The following STRN variants were observed in gnomAD, a reference collection of about 807,000 sequenced individuals.
The protein encoded by STRN is striatin.
Under a neutral mutation model 96.3 loss-of-function variants are expected in STRN, and 53 were observed. The ratio of observed to expected loss-of-function variants is 0.55; its 90% CI spans 0.44 to 0.69. The LOEUF is 0.69. Among genes scored for constraint, STRN ranks in the 30% least tolerant of loss-of-function variants. The pLI is 0.00. For missense variants in STRN, 987 were observed against 963.9 expected, an observed-to-expected ratio of 1.02 and a Z score of -0.32; for synonymous variants, 428 against 355.9, an observed-to-expected ratio of 1.20 and a Z score of -2.28.
At chr2:36,948,160 G>A (rs1357318185) in intron 1 of STRN, among the ~76,000 whole-genome samples, 1 of 124,306 alleles carries the variant, frequency 8.0e-6, no homozygotes, top group Non-Finnish European at 1.6e-5. Flanking sequence ...GGAGTAAAGT[G>A]ATGTGATCTG....
At position 36,839,125 on chromosome 2, in the gene STRN, G is replaced by C. The variant is rs1002051228; in HGVS notation, c.*10331C>G. ...GAGGTAGGAATGAAGGGGTATGATG[G>C]GACATGCTTCGTTTTGCCATTATGA... On this transcript the variant is annotated 3_prime_UTR_variant, in exon 18 of 18. Transcript: ENST00000263918. 2.6e-5 allele frequency among the ~76,000 whole-genome samples: 4 copies of C among 152,100 alleles called. No individual in the cohort carries two copies. The highest frequency in any genetic ancestry group is 4.1e-4 in the South Asian group (2 of 4,830).
intron 15 of STRN, among the ~76,000 whole-genome samples, chr2:36,852,316 T>A (rs577040047): frequency 6.6e-6 from 1 of 152,206 alleles, no homozygotes; most frequent in Non-Finnish European, 1.5e-5. Flanking sequence ...AATTAAATTA[T>A]GGTCCAGGGA....
intron 16 of STRN, 28 bp from the exon 17 acceptor site, chr2:36,849,828 A>G (rs1176737528): frequency 6.2e-7 from 1 of 1,603,582 alleles, no homozygotes; most frequent in African/African-American, 1.3e-5. Flanking sequence ...GTTACTCCTT[A>G]TTAATGCCTT....
chr2:36,934,600 G>T (rs1362796098), intron 1 of STRN, among the ~76,000 whole-genome samples: 2 of 152,236 alleles, frequency 1.3e-5, no homozygotes, highest in South Asian at 4.1e-4. Flanking sequence ...TCTTCAATAG[G>T]CAACACTTCT....
intron 2 of STRN, among the ~76,000 whole-genome samples, chr2:36,922,947 T>A (rs1274638018): frequency 3.3e-5 from 5 of 151,248 alleles, no homozygotes; most frequent in African/African-American, 1.2e-4. Flanking sequence ...ATCGAGACCA[T>A]CCCAGTCAAC....
intron 1 of STRN, among the ~76,000 whole-genome samples, chr2:36,950,096 GT>G (rs1450134160): frequency 6.6e-6 from 1 of 151,948 alleles, no homozygotes; most frequent in Non-Finnish European, 1.5e-5. Context: ...AAATGTGGTC[GT>G]TCAGAGAAAT....
At chr2:36,908,998 G>GAA (rs34538183) in intron 3 of STRN, among the ~76,000 whole-genome samples, 8,043 of 147,160 alleles carry the variant, frequency 0.055, 731 homozygotes, top group African/African-American at 0.19. Context: ...AAACACCCCA[G>GAA]AAAAAAAAAT....
At chr2:36,947,445 C>A (rs1206176702) in intron 1 of STRN, among the ~76,000 whole-genome samples, 1 of 151,362 alleles carries the variant, frequency 6.6e-6, no homozygotes, top group African/African-American at 2.4e-5. Flanking sequence ...TAAATTAATT[C>A]ATTTAACCAC....
chr2:36,858,085 C>T (rs1383744067), intron 13 of STRN, 62 bp from the exon 14 acceptor site: 2 of 1,403,668 alleles, frequency 1.4e-6, no homozygotes, highest in Non-Finnish European at 1.9e-6. Context: ...ACTTAGATTT[C>T]AGAGAAAGTA....
chr2:36,948,424 CA>C (rs765412520), intron 1 of STRN, among the ~76,000 whole-genome samples: 11 of 152,022 alleles, frequency 7.2e-5, no homozygotes, highest in Non-Finnish European at 1.2e-4. Context: ...TCAGATCAGC[CA>C]AAAGGTATCA....
intron 3 of STRN, among the ~76,000 whole-genome samples, chr2:36,913,305 T>C (rs1440061696): frequency 6.6e-6 from 1 of 152,194 alleles, no homozygotes; most frequent in East Asian, 1.9e-4. Context: ...GCTAACTCTC[T>C]ATCTACATCT....
intron 12 of STRN, among the ~76,000 whole-genome samples, chr2:36,864,908 T>C (rs2148143217): frequency 6.6e-6 from 1 of 152,224 alleles, no homozygotes; most frequent in Non-Finnish European, 1.5e-5. Flanking sequence ...AGAGATGGGG[T>C]TTCACCATGT....
chr2:36,965,133 A>G (rs1665127618), intron 1 of STRN, among the ~76,000 whole-genome samples: 1 of 152,180 alleles, frequency 6.6e-6, no homozygotes, highest in Non-Finnish European at 1.5e-5. Context: ...TAAGCGCCAA[A>G]TACATGTTAC....
Position 36,877,984 on chromosome 2 carries a change from G to C in STRN, c.1230C>G (p.Ile410Met), listed in dbSNP as rs1280140768. The change falls in exon 10 of 18, where the codon ATC (isoleucine) becomes ATG (methionine). Residue 410 changes from isoleucine to methionine, a missense_variant. Transcript: ENST00000263918. ...TFPPSSGKSF[I>M]MGADEALESE... ...TTTCAAGGGCTTCATCTGCTCCCAT[G>C]ATGAATGACTTTCCAGAAGAAGGAG... The C allele has an allele frequency of 6.2e-7, 1 of 1,614,018 alleles. No individual in the cohort carries two copies. Among genetic ancestry groups the C allele is most frequent in the African/African-American group, 1.3e-5 (1 of 74,918 alleles).
chr2:36,954,521 A>T, intron 1 of STRN, among the ~76,000 whole-genome samples: 1 of 133,804 alleles, frequency 7.5e-6, no homozygotes, highest in African/African-American at 2.7e-5. Flanking sequence ...CAAACAGGGG[A>T]AAAAAAAAAA....
chr2:36,905,280 T>C (rs1669792075), intron 4 of STRN, among the ~76,000 whole-genome samples: 1 of 152,196 alleles, frequency 6.6e-6, no homozygotes, highest in Admixed American at 6.5e-5. Context: ...ATTGCACATA[T>C]ATTAAAATGT....
At chr2:36,883,803 G>C (rs926518012) in intron 9 of STRN, 129 bp downstream of exon 9, 1 of 908,740 alleles carries the variant, frequency 1.1e-6, no homozygotes, top group Non-Finnish European at 1.5e-6. Flanking sequence ...GCTTGCATTT[G>C]GGGAAAACTA....
rs1228994933 is a variant in STRN at position 36,848,221 on chromosome 2, G to C, written c.*1235C>G. On this transcript the variant is annotated 3_prime_UTR_variant, in exon 18 of 18. Coordinates refer to ENST00000263918, the MANE Select transcript of STRN (RefSeq NM_003162.4). ...ACATGTATATCTCAATTAAACAATG[G>C]GGGAGGAATAGGGAGAGAGAAAGAC... The C allele has an allele frequency of 2.6e-5, 4 of 152,150 alleles. No homozygotes were observed. The highest frequency in any genetic ancestry group is 9.7e-5 in the African/African-American group (4 of 41,432). 9.4% of individuals were successfully genotyped at this position (152,150 alleles called of 1,614,324 possible). A position where few individuals can be genotyped will look rare whatever the true frequency, so the allele number is the denominator to read the frequency against.
chr2:36,914,611 T>C (rs188574605), intron 3 of STRN, among the ~76,000 whole-genome samples: 2 of 152,318 alleles, frequency 1.3e-5, no homozygotes, highest in Non-Finnish European at 2.9e-5. Flanking sequence ...AGGAAATGCA[T>C]TAATACACTA....
Sources: allele counts gnomAD v4.1 joint callset (sites outside exome capture counted in the v4.1 genomes callset), GRCh38; gene constraint gnomAD v4.1.1; transcripts MANE v1.5; gene names NCBI Gene and HGNC (gene_info 2026-07-23, HGNC 2026-07-21).